The following KLF12 variants were observed in gnomAD, a reference collection of about 807,000 sequenced individuals.
KLF12 encodes the protein Krueppel-like factor 12.
In KLF12, 9 loss-of-function variants were observed where a neutral mutation model predicts 37.8. That is an observed-to-expected ratio of 0.24 (90% CI 0.14 to 0.42). The LOEUF (loss-of-function observed/expected upper bound fraction) is 0.42. KLF12 is among the 10% of genes least tolerant of loss of function. The pLI, the probability that KLF12 is intolerant of heterozygous loss-of-function variation, is 1.00. For missense variants in KLF12, 411 were observed against 516.0 expected, an observed-to-expected ratio of 0.80 and a Z score of 1.97; for synonymous variants, 208 against 202.1, an observed-to-expected ratio of 1.03 and a Z score of -0.25.
chr13:73,704,759 G>A (rs918909185), intron 7 of KLF12, among the ~76,000 whole-genome samples: 35 of 152,106 alleles, frequency 2.3e-4, no homozygotes, highest in African/African-American at 6.0e-4. Flanking sequence ...CTCTCTGTCC[G>A]ACTCAGCAGT....
chr13:73,821,258 A>C (rs928347858), intron 4 of KLF12, among the ~76,000 whole-genome samples: 3 of 152,152 alleles, frequency 2.0e-5, no homozygotes, highest in African/African-American at 7.2e-5. Flanking sequence ...AATTCCAAAG[A>C]ATTCCATAAT....
chr13:73,808,359 T>TA (rs1448404110), intron 5 of KLF12, among the ~76,000 whole-genome samples: 1 of 152,188 alleles, frequency 6.6e-6, no homozygotes, highest in Non-Finnish European at 1.5e-5. Context: ...CCAATTTATC[T>TA]AAATTTACTG....
Position 73,695,547 on chromosome 13 carries a change from G to A in KLF12, c.1152C>T (p.Arg384=), listed in dbSNP as rs1874085184. ...CCAAATGATCTGACCGGGAAAAGCT[G>A]CGATCACAGTCCGCGCACTTGAATG... Residue 384 remains arginine (R), a synonymous_variant, in exon 8 of 8, where the codon CGC becomes CGT. Transcript: ENST00000377669. 2 of 1,614,086 alleles carry A rather than the reference G, an allele frequency of 1.2e-6. No homozygotes were observed. The highest frequency in any genetic ancestry group is 1.7e-6 in the Non-Finnish European group (2 of 1,179,964).
chr13:73,774,470 T>C (rs1463812159), intron 5 of KLF12, among the ~76,000 whole-genome samples: 2 of 152,104 alleles, frequency 1.3e-5, no homozygotes, highest in Non-Finnish European at 2.9e-5. Context: ...AGCCAGAATG[T>C]CAGGGCAGAT....
chr13:73,756,959 A>G (rs1879209678), intron 6 of KLF12, among the ~76,000 whole-genome samples: 1 of 152,054 alleles, frequency 6.6e-6, no homozygotes, highest in Non-Finnish European at 1.5e-5. Flanking sequence ...AACCTACCTT[A>G]TGTCCTGAAA....
intron 4 of KLF12, among the ~76,000 whole-genome samples, chr13:73,828,745 G>A (rs1349204686): frequency 6.6e-6 from 1 of 152,100 alleles, no homozygotes; most frequent in East Asian, 1.9e-4. Flanking sequence ...CGTTAGCTTG[G>A]CACAGAAGGT....
chr13:73,762,023 C>A (rs930935472), intron 6 of KLF12, among the ~76,000 whole-genome samples: 2 of 152,284 alleles, frequency 1.3e-5, no homozygotes, highest in Admixed American at 6.5e-5. Context: ...TGGCTTGCTA[C>A]CTTTAATTAA....
intron 2 of KLF12, among the ~76,000 whole-genome samples, chr13:73,949,686 T>C (rs540086310): frequency 7.2e-5 from 11 of 152,344 alleles, no homozygotes; most frequent in Admixed American, 5.2e-4. Flanking sequence ...TAATTTATAA[T>C]GGCTAAGTGT....
intron 3 of KLF12, among the ~76,000 whole-genome samples, chr13:73,932,803 G>C (rs549851364): frequency 6.6e-6 from 1 of 152,206 alleles, no homozygotes; most frequent in East Asian, 1.9e-4. Flanking sequence ...TGCATAAAAG[G>C]CTCTGTGACT....
intron 5 of KLF12, among the ~76,000 whole-genome samples, chr13:73,793,606 C>T (rs773309191): frequency 1.7e-4 from 26 of 152,164 alleles, no homozygotes; most frequent in Non-Finnish European, 4.4e-5. Flanking sequence ...CAACTATTGT[C>T]TTCATGACTA....
chr13:73,711,155 G>A (rs930450654), intron 7 of KLF12, among the ~76,000 whole-genome samples: 10 of 152,170 alleles, frequency 6.6e-5, no homozygotes, highest in Non-Finnish European at 1.0e-4. Flanking sequence ...GGAAGCTAGC[G>A]GAGGTTGGTT....
rs1204066088 is a variant in KLF12 at position 73,764,978 on chromosome 13, T to A, written c.829A>T (p.Arg277Trp). ...TTATTCATTCGATTGCCCCGGACCC[T>A]TGATACTGGGGACGGATGTACCCTG... is the stretch of plus-strand genomic sequence containing the variant. Residue 277 changes from arginine to tryptophan, a missense_variant, in exon 6 of 8, where the codon AGG becomes TGG. By Grantham distance (101) the Arg-to-Trp change is moderately radical. Around this residue, in one of 2 missense-constraint regions of KLF12, gnomAD observed 351 missense variants for 397.8 expected, o/e 0.88. Coordinates refer to ENST00000377669, the MANE Select transcript of KLF12 (RefSeq NM_007249.5). The A allele has an allele frequency of 6.4e-7, 1 of 1,574,586 alleles. No homozygotes were observed. Among genetic ancestry groups the A allele is most frequent in the Non-Finnish European group, 8.7e-7 (1 of 1,144,520 alleles).
At chr13:73,829,742 T>G (rs1884054012) in intron 4 of KLF12, among the ~76,000 whole-genome samples, 1 of 152,082 alleles carries the variant, frequency 6.6e-6, no homozygotes, top group Non-Finnish European at 1.5e-5. Flanking sequence ...CCCCAGTATC[T>G]TTTCTGGAAT....
chr13:74,088,039 G>A (rs1875419351), intron 1 of KLF12, among the ~76,000 whole-genome samples: 1 of 152,090 alleles, frequency 6.6e-6, no homozygotes. Context: ...GATTGGAGGA[G>A]GGAGTGGTAT....
intron 3 of KLF12, among the ~76,000 whole-genome samples, chr13:73,924,950 G>A (rs537833323): frequency 6.6e-6 from 1 of 152,320 alleles, no homozygotes; most frequent in Non-Finnish European, 1.5e-5. Context: ...TCCAGAGCAA[G>A]TCTCCAACTT....
intron 3 of KLF12, among the ~76,000 whole-genome samples, chr13:73,920,884 A>AC (rs796587267): frequency 1.3e-4 from 19 of 151,952 alleles, no homozygotes; most frequent in African/African-American, 4.1e-4. Flanking sequence ...CCAGGCTCTT[A>AC]CCCCTCTGCC....
At chr13:73,926,168 T>A (rs572299697) in intron 3 of KLF12, among the ~76,000 whole-genome samples, 1 of 152,288 alleles carries the variant, frequency 6.6e-6, no homozygotes, top group South Asian at 2.1e-4. Context: ...TAAAACACTA[T>A]CGAATAGCAT....
intron 3 of KLF12, among the ~76,000 whole-genome samples, chr13:73,923,018 C>T (rs1284964629): frequency 6.6e-6 from 1 of 152,174 alleles, no homozygotes; most frequent in East Asian, 1.9e-4. Context: ...TTATTCTGTA[C>T]AAAAGATGTG....
At chr13:74,038,411 C>T (rs958013902) in intron 1 of KLF12, among the ~76,000 whole-genome samples, 2 of 152,176 alleles carry the variant, frequency 1.3e-5, no homozygotes, top group African/African-American at 4.8e-5. Flanking sequence ...GCTACAGACA[C>T]AACATGATAT....
Sources: gnomAD v4.1 joint callset for allele counts (sites outside exome capture counted in the v4.1 genomes callset) on GRCh38, gnomAD v4.1.1 for gene constraint, gnomAD v4.1.1 regional missense constraint, MANE v1.5 for transcripts, NCBI Gene and HGNC (gene_info 2026-07-23, HGNC 2026-07-21) for gene names.